Variants in ASPH observed in about 807,000 individuals in gnomAD.
ASPH encodes the protein aspartyl/asparaginyl beta-hydroxylase.
In ASPH, 100 loss-of-function variants were observed where a neutral mutation model predicts 118.4. The observed-to-expected ratio is 0.84, with a 90% confidence interval of 0.72 to 1.00. The LOEUF is 1.00. Among genes scored for constraint, ASPH ranks in the 50% least tolerant of loss-of-function variants. ASPH has a pLI of 0.00. For missense variants in ASPH, 920 were observed against 919.5 expected, an observed-to-expected ratio of 1.00 and a Z score of -0.01; for synonymous variants, 315 against 325.6, an observed-to-expected ratio of 0.97 and a Z score of 0.35.
intron 21 of ASPH, among the ~76,000 whole-genome samples, chr8:61,530,084 G>T (rs980762571): frequency 7.2e-5 from 11 of 152,176 alleles, no homozygotes; most frequent in Non-Finnish European, 1.2e-4. Flanking sequence ...CCACCCACTT[G>T]TCTTCAATGG....
At chr8:61,712,042 T>C (rs1838176759) in intron 1 of ASPH, among the ~76,000 whole-genome samples, 2 of 152,324 alleles carry the variant, frequency 1.3e-5, no homozygotes, top group South Asian at 2.1e-4. Context: ...TAACAAAACC[T>C]GGGTTCTTAG....
chr8:61,697,242 C>A (rs780570225), intron 1 of ASPH, among the ~76,000 whole-genome samples: 1 of 152,182 alleles, frequency 6.6e-6, no homozygotes, highest in Non-Finnish European at 1.5e-5. Context: ...TATAATACAT[C>A]TTGGGGATAT....
intron 15 of ASPH, chr8:61,578,095 G>T (rs1323700880): frequency 2.0e-6 from 2 of 1,014,446 alleles, no homozygotes; most frequent in Admixed American, 2.9e-5. Context: ...AGATACAATG[G>T]GGGTACAGGT....
chr8:61,714,407 C>A lies in ASPH; in HGVS notation c.-36G>T, dbSNP rs1563690118. ...GCGGGGGCTGGTGAGGGCTGGCGGA[C>A]CTCCTTCAGTGCGCGGGGGTACACA... is the stretch of plus-strand genomic sequence containing the variant. On this transcript the variant is annotated 5_prime_UTR_variant, in exon 1 of 25. Coordinates refer to ENST00000379454, the MANE Select transcript of ASPH (RefSeq NM_004318.4). 2 of 1,436,098 alleles carry A rather than the reference C, an allele frequency of 1.4e-6. No individual in the cohort carries two copies. The highest frequency in any genetic ancestry group is 2.6e-5 in the Admixed American group (1 of 37,758). 89.0% of individuals were successfully genotyped at this position (1,436,098 alleles called of 1,614,324 possible). A position where few individuals can be genotyped will look rare whatever the true frequency, so the allele number is the denominator to read the frequency against.
In ASPH at chr8:61,639,562, G is replaced by A. The variant is rs137919462; in HGVS notation, c.791-1199C>T. On this transcript the variant is annotated intron_variant, in intron 10 of 24. Transcript: ENST00000379454. ...TTTTCACTTCATCTTTTTCTTAGCC[G>A]TCCTTAAATGCTGGCTTTCTTCAAA... is the stretch of plus-strand genomic sequence containing the variant. Among the ~76,000 whole-genome samples the A allele has an allele frequency of 1.7e-3, 252 of 151,928 alleles. 1 individual carries two copies. The highest frequency in any genetic ancestry group is 5.0e-3 in the African/African-American group (208 of 41,418).
At chr8:61,552,632 T>A (rs573718344) in intron 20 of ASPH, among the ~76,000 whole-genome samples, 32 of 152,342 alleles carry the variant, frequency 2.1e-4, no homozygotes, top group Admixed American at 5.2e-4. Flanking sequence ...AAAATATTTC[T>A]AAAAATTTAA....
At chr8:61,507,729 ACT>A (rs1476975706) in intron 24 of ASPH, among the ~76,000 whole-genome samples, 1 of 152,106 alleles carries the variant, frequency 6.6e-6, no homozygotes, top group African/African-American at 2.4e-5. Flanking sequence ...AAAACCAAAG[ACT>A]CTCATTAGAA....
At chr8:61,689,825 A>G in intron 1 of ASPH, 1 of 1,438,262 alleles carries the variant, frequency 7.0e-7, no homozygotes, top group South Asian at 1.5e-5. Flanking sequence ...CAATCCCTGC[A>G]CTGTAAGGGC....
chr8:61,565,375 A>C (rs1831344619), intron 17 of ASPH, among the ~76,000 whole-genome samples: 1 of 152,182 alleles, frequency 6.6e-6, no homozygotes, highest in Non-Finnish European at 1.5e-5. Flanking sequence ...GCTATAGTTA[A>C]GGAAGAAAAG....
intron 9 of ASPH, 49 bp downstream of exon 9, chr8:61,643,336 GA>G: frequency 1.3e-6 from 2 of 1,550,940 alleles, no homozygotes; most frequent in Non-Finnish European, 8.8e-7. Flanking sequence ...GCATGTGATT[GA>G]AAAATCTAAG....
intron 13 of ASPH, chr8:61,624,449 T>C (rs1205722728): frequency 7.1e-6 from 7 of 981,160 alleles, no homozygotes; most frequent in East Asian, 2.3e-4. Context: ...TGCTATAATC[T>C]TCTAAAATAC....
chr8:61,556,165 T>C (rs1001630348), intron 18 of ASPH, 143 bp from the exon 19 acceptor site: 27 of 667,646 alleles, frequency 4.0e-5, no homozygotes, highest in Non-Finnish European at 5.3e-5. Flanking sequence ...GAAAACACCA[T>C]AGTACTTTGT....
rs996162407 is a variant in ASPH, at chr8:61,714,425, G to C, written c.-54C>G. On this transcript the variant is annotated 5_prime_UTR_variant, in exon 1 of 25. Coordinates refer to ENST00000379454, the MANE Select transcript of ASPH (RefSeq NM_004318.4). ...TGGCGGACCTCCTTCAGTGCGCGGG[G>C]GTACACACGCGACGCGGGAACCGCT... 3 of 1,380,536 alleles carry C rather than the reference G, an allele frequency of 2.2e-6. No homozygotes were observed. Among genetic ancestry groups the C allele is most frequent in the African/African-American group, 1.5e-5 (1 of 65,634 alleles). 85.5% of individuals were successfully genotyped at this position (1,380,536 alleles called of 1,614,324 possible). A position where few individuals can be genotyped will look rare whatever the true frequency, so the allele number is the denominator to read the frequency against.
chr8:61,587,335 A>G (rs1337882860), intron 14 of ASPH, among the ~76,000 whole-genome samples: 1 of 152,342 alleles, frequency 6.6e-6, no homozygotes. Context: ...TGATGGTAGT[A>G]GGAGCTCATG....
chr8:61,705,666 A>C (rs1156933048), intron 1 of ASPH, among the ~76,000 whole-genome samples: 2 of 152,214 alleles, frequency 1.3e-5, no homozygotes, highest in African/African-American at 4.8e-5. Context: ...TGATGAAAAT[A>C]TTCTCTATCC....
At chr8:61,511,899 C>T (rs770889549) in intron 24 of ASPH, among the ~76,000 whole-genome samples, 5 of 152,132 alleles carry the variant, frequency 3.3e-5, no homozygotes, top group African/African-American at 9.7e-5. Flanking sequence ...CCACCACACC[C>T]GGCTCTAACG....
chr8:61,681,367 A>G (rs1827970501), intron 2 of ASPH, among the ~76,000 whole-genome samples: 1 of 151,824 alleles, frequency 6.6e-6, no homozygotes, highest in Non-Finnish European at 1.5e-5. Context: ...TAAAGTTTTT[A>G]GCATATATGA....
chr8:61,517,503 A>T (rs377246224), intron 24 of ASPH, 25 bp downstream of exon 24: 11 of 1,610,756 alleles, frequency 6.8e-6, no homozygotes, highest in Non-Finnish European at 8.5e-6. Context: ...GGTGACGGAT[A>T]TGACGGATAA....
intron 18 of ASPH, among the ~76,000 whole-genome samples, 153 bp downstream of exon 18, chr8:61,562,591 A>G (rs771192119): frequency 6.6e-6 from 1 of 152,208 alleles, no homozygotes; most frequent in Non-Finnish European, 1.5e-5. Flanking sequence ...AAGAAAAGCA[A>G]TGTTAAAACA....
Sources: allele counts gnomAD v4.1 joint callset (sites outside exome capture counted in the v4.1 genomes callset), GRCh38; gene constraint gnomAD v4.1.1; transcripts MANE v1.5; gene names NCBI Gene and HGNC (gene_info 2026-07-23, HGNC 2026-07-21).